ADAMTS18: variants seen among roughly 807,000 people sequenced by gnomAD.
The protein encoded by ADAMTS18 is ADAM metallopeptidase with thrombospondin type 1 motif 18, also known as A disintegrin and metalloproteinase with thrombospondin motifs 18.
In ADAMTS18, 157 loss-of-function variants were observed where a neutral mutation model predicts 165.9. That is an observed-to-expected ratio of 0.95 (90% CI 0.83 to 1.08). ADAMTS18 has a LOEUF of 1.08. Ranked by LOEUF, ADAMTS18 falls within the 50% of genes least tolerant of loss-of-function variation. The pLI is 0.00. For synonymous variants in ADAMTS18, 782 were observed against 578.2 expected, an observed-to-expected ratio of 1.35 and a Z score of -5.06; for missense variants, 2,040 against 1,534.0, an observed-to-expected ratio of 1.33 and a Z score of -5.51.
intron 3 of ADAMTS18, among the ~76,000 whole-genome samples, chr16:77,430,603 C>T (rs544709790): frequency 9.8e-5 from 15 of 152,336 alleles, no homozygotes; most frequent in African/African-American, 3.6e-4. Flanking sequence ...CCCAGAACAA[C>T]ATTTACCGCC....
chr16:77,311,700 G>GGTTTTTT (rs141522765), intron 16 of ADAMTS18, among the ~76,000 whole-genome samples: 4 of 94,230 alleles, frequency 4.2e-5, no homozygotes, highest in East Asian at 2.3e-4. Context: ...GATTACTGGA[G>GGTTTTTT]TTTTCTTTTT....
chr16:77,335,528 A>G (rs1186992294), intron 12 of ADAMTS18, among the ~76,000 whole-genome samples: 3 of 152,152 alleles, frequency 2.0e-5, no homozygotes, highest in Non-Finnish European at 4.4e-5. Context: ...TTTAATAAAG[A>G]AACAATAAAG....
chr16:77,377,340 C>A (rs2056968225), intron 3 of ADAMTS18, among the ~76,000 whole-genome samples: 1 of 152,138 alleles, frequency 6.6e-6, no homozygotes, highest in Non-Finnish European at 1.5e-5. Context: ...GTGTGAAGAG[C>A]TTTAAAGATC....
At position 77,431,468 on chromosome 16, in the gene ADAMTS18, G is replaced by C. The variant is rs749396323; in HGVS notation, c.322C>G (p.Leu108Val). ...HYRFSAFGQE[L>V]HLELKPSAIL... The stretch of plus-strand genomic sequence containing the variant: ...GCCGAGGGCTTAAGTTCTAAGTGCA[G>C]TTCCTGTCCAAATGCTGAAAATCGG... The change falls in exon 3 of 23, where the codon CTG becomes GTG. Residue 108 changes from leucine to valine, a missense_variant. Coordinates refer to ENST00000282849, the MANE Select transcript of ADAMTS18 (RefSeq NM_199355.4). 5.0e-6 allele frequency: 8 copies of C among 1,614,114 alleles called. No individual in the cohort carries two copies. In the East Asian group the frequency reaches 1.8e-4, roughly 36 times the overall value.
In ADAMTS18 at chr16:77,431,527, C is replaced by G; in HGVS notation, c.263G>C (p.Arg88Pro). The change falls in exon 3 of 23, where the codon CGA (arginine) becomes CCA (proline). Residue 88 changes from arginine to proline, a missense_variant. Arg to Pro is a moderately radical substitution (Grantham distance 103). Transcript: ENST00000282849. ...GGAGCTTCTGGCATTCTGCGCCGAT[C>G]GCTTTTTCCTGCCGTTGTGCAAAAT... ...HDILHNGRKK[R>P]SAQNARSSLH... is the part of the protein sequence containing the mutation. The G allele has an allele frequency of 6.2e-7, 1 of 1,614,160 alleles. No individual in the cohort carries two copies. Among genetic ancestry groups the G allele is most frequent in the East Asian group, 2.2e-5 (1 of 44,882 alleles).
Position 77,341,647 on chromosome 16 carries a change from T to G in ADAMTS18, c.1710+57A>C, listed in dbSNP as rs902976160. 5.0e-6 allele frequency: 7 copies of G among 1,399,296 alleles called. No individual in the cohort carries two copies. The African/African-American group carries it at 1.0e-4, about 20-fold the overall frequency. The allele number at this position is 1,399,296 out of a possible 1,614,324, so 86.7% of individuals were successfully genotyped here. A position where few individuals can be genotyped will look rare whatever the true frequency, so the allele number is the denominator to read the frequency against. On this transcript the variant is annotated intron_variant, in intron 11 of 22. Transcript: ENST00000282849. ...CCCTAAGGTCACAATACAAACAGTT[T>G]GAATTCTATGCCTTATCAAATTTCT...
intron 3 of ADAMTS18, among the ~76,000 whole-genome samples, chr16:77,401,686 G>T (rs942801611): frequency 6.6e-6 from 1 of 152,214 alleles, no homozygotes; most frequent in Non-Finnish European, 1.5e-5. Flanking sequence ...ATTTAAGGAA[G>T]AGAAAGCATG....
chr16:77,339,702 T>A lies in ADAMTS18; in HGVS notation c.1710+2002A>T, dbSNP rs572244030. On this transcript the variant is annotated intron_variant, in intron 11 of 22. Coordinates refer to ENST00000282849, the MANE Select transcript of ADAMTS18 (RefSeq NM_199355.4). Reference sequence around the variant, plus strand: ...CTATTTATATTTTAAATTATTCCACTAATTCATTGTTTTGTATCATCATGG... The same window carrying A: ...CTATTTATATTTTAAATTATTCCACAAATTCATTGTTTTGTATCATCATGG... Among the ~76,000 whole-genome samples, 6 of 152,248 alleles carry A rather than the reference T, an allele frequency of 3.9e-5. No individual in the cohort carries two copies. In the South Asian group the frequency reaches 1.2e-3, roughly 32 times the overall value.
At chr16:77,313,309 G>A (rs1378418266) in intron 16 of ADAMTS18, among the ~76,000 whole-genome samples, 1 of 152,042 alleles carries the variant, frequency 6.6e-6, no homozygotes, top group African/African-American at 2.4e-5. Context: ...TGGGGGCAGG[G>A]GGGAAGGATA....
rs537353558 is a variant in ADAMTS18, at chr16:77,374,251, C to G, written c.496-6528G>C. On this transcript the variant is annotated intron_variant, in intron 3 of 22. Coordinates refer to ENST00000282849, the MANE Select transcript of ADAMTS18 (RefSeq NM_199355.4). ...AAAAAAAAAAATTGTTTCTTCATCCCCAGACTTTTTTCAGAGTGGAGGTGA... is the reference window on the plus strand; with the variant it reads ...AAAAAAAAAAATTGTTTCTTCATCCGCAGACTTTTTTCAGAGTGGAGGTGA... 1.6e-3 allele frequency among the ~76,000 whole-genome samples: 246 copies of G among 152,054 alleles called. 3 individuals carry two copies. Among genetic ancestry groups the G allele is most frequent in the African/African-American group, 5.0e-3 (207 of 41,478 alleles).
At chr16:77,313,033 C>T (rs569334116) in intron 16 of ADAMTS18, among the ~76,000 whole-genome samples, 6 of 152,222 alleles carry the variant, frequency 3.9e-5, no homozygotes, top group Non-Finnish European at 7.3e-5. Flanking sequence ...AGCAAAGACT[C>T]GGAACCAACC....
intron 18 of ADAMTS18, among the ~76,000 whole-genome samples, chr16:77,295,559 T>G (rs529520405): frequency 6.6e-6 from 1 of 152,108 alleles, no homozygotes; most frequent in Non-Finnish European, 1.5e-5. Flanking sequence ...TTCTGATAAG[T>G]GCTGCAATGG....
At chr16:77,391,935 T>C (rs935331239) in intron 3 of ADAMTS18, among the ~76,000 whole-genome samples, 1 of 152,176 alleles carries the variant, frequency 6.6e-6, no homozygotes, top group Non-Finnish European at 1.5e-5. Flanking sequence ...GCTCTAACTT[T>C]AATAAATGTA....
intron 3 of ADAMTS18, among the ~76,000 whole-genome samples, chr16:77,412,684 G>A (rs568120252): frequency 1.3e-5 from 2 of 152,138 alleles, no homozygotes; most frequent in Admixed American, 6.5e-5. Context: ...AGGCAAGAGA[G>A]AATGAGAACC....
rs748200917 is a variant in ADAMTS18 at position 77,367,500 on chromosome 16, T to A, written c.719A>T (p.Glu240Val). The A allele has an allele frequency of 2.5e-6, 4 of 1,614,226 alleles. No homozygotes were observed. The highest frequency in any genetic ancestry group is 3.3e-5 in the Admixed American group (2 of 60,030). Residue 240 changes from glutamate to valine, a missense_variant, in exon 4 of 23, where the codon GAG (glutamate) becomes GTG (valine). Coordinates refer to ENST00000282849, the MANE Select transcript of ADAMTS18 (RefSeq NM_199355.4). Reference sequence around the variant, plus strand: ...CAACCTTCGATGGTGATACTCTGTCTCTCGACTCTGAGATGCATGGGGAAT... The same window carrying A: ...CAACCTTCGATGGTGATACTCTGTCACTCGACTCTGAGATGCATGGGGAAT... ...SHIPHASQSRETEYHHRRLQK... is the reference protein window; with the variant it reads ...SHIPHASQSRVTEYHHRRLQK...
At chr16:77,297,641 T>C (rs1282973065) in intron 17 of ADAMTS18, among the ~76,000 whole-genome samples, 1 of 152,100 alleles carries the variant, frequency 6.6e-6, no homozygotes, top group Admixed American at 6.5e-5. Context: ...ATGTAGATTA[T>C]TGGTTTTCAA....
chr16:77,319,760 T>G, intron 16 of ADAMTS18, 89 bp downstream of exon 16: 1 of 1,601,416 alleles, frequency 6.2e-7, no homozygotes, highest in South Asian at 1.1e-5. Context: ...ACCTTTGAAC[T>G]AGAAGGACTG....
At chr16:77,353,660 G>GTTTACACT (rs756214172) in intron 10 of ADAMTS18, 73 bp downstream of exon 10, 103 of 1,608,320 alleles carry the variant, frequency 6.4e-5, no homozygotes, top group Non-Finnish European at 8.3e-5. Context: ...CAAACCAAAT[G>GTTTACACT]TTTACACTTC....
At chr16:77,362,320 G>A (rs1179127742) in intron 6 of ADAMTS18, 56 bp from the exon 7 acceptor site, 3 of 1,584,264 alleles carry the variant, frequency 1.9e-6, no homozygotes, top group East Asian at 2.2e-5. Context: ...TGAGAATGCT[G>A]AATCATTCCA....
Sources: allele counts gnomAD v4.1 joint callset (sites outside exome capture counted in the v4.1 genomes callset), GRCh38; gene constraint gnomAD v4.1.1; transcripts MANE v1.5; gene names NCBI Gene and HGNC (gene_info 2026-07-23, HGNC 2026-07-21).